The following IL1RAPL1 variants were observed in gnomAD, a reference collection of about 807,000 sequenced individuals.
The protein encoded by IL1RAPL1 is interleukin 1 receptor accessory protein like 1, also known as interleukin-1 receptor accessory protein-like 1.
Under a neutral mutation model 48.4 loss-of-function variants are expected in IL1RAPL1, and 3 were observed. That is an observed-to-expected ratio of 0.06 (90% CI 0.03 to 0.16). The LOEUF (loss-of-function observed/expected upper bound fraction) is 0.16. Ranked by LOEUF, IL1RAPL1 falls within the 10% of genes least tolerant of loss-of-function variation. The pLI is 1.00. For missense variants in IL1RAPL1, 349 were observed against 530.6 expected, an observed-to-expected ratio of 0.66 and a Z score of 3.36; for synonymous variants, 185 against 187.7, an observed-to-expected ratio of 0.99 and a Z score of 0.12.
chrX:29,012,876 G>T (rs1926156068), intron 2 of IL1RAPL1, among the ~76,000 whole-genome samples: 1 of 111,793 alleles, frequency 8.9e-6, no homozygotes, highest in Admixed American at 9.5e-5. Flanking sequence ...CACTTGATAG[G>T]TGCCAAAACC....
intron 5 of IL1RAPL1, among the ~76,000 whole-genome samples, chrX:29,516,368 T>C (rs1305609236): frequency 9.0e-6 from 1 of 111,728 alleles, no homozygotes; most frequent in African/African-American, 3.2e-5. Context: ...CTCCTATGTA[T>C]CAGTTATGAG....
At chrX:29,633,468 T>TATACACACAC (rs762146549) in intron 5 of IL1RAPL1, among the ~76,000 whole-genome samples, 72 of 97,755 alleles carry the variant, frequency 7.4e-4, no homozygotes, top group African/African-American at 2.6e-3. Context: ...GATATATATA[T>TATACACACAC]ACACACACAC....
At chrX:28,721,278 T>C (rs1333314082) in intron 1 of IL1RAPL1, among the ~76,000 whole-genome samples, 1 of 112,003 alleles carries the variant, frequency 8.9e-6, no homozygotes, top group Non-Finnish European at 1.9e-5. Flanking sequence ...TTTTTAATGA[T>C]CGCCATTCTA....
intron 5 of IL1RAPL1, among the ~76,000 whole-genome samples, chrX:29,607,651 A>G (rs1033192913): frequency 9.0e-6 from 1 of 111,231 alleles, no homozygotes; most frequent in Admixed American, 9.4e-5. Context: ...TCTGGGACTT[A>G]ATGATTCCAC....
chrX:29,303,639 C>T (rs773937763), intron 3 of IL1RAPL1, among the ~76,000 whole-genome samples: 3 of 111,517 alleles, frequency 2.7e-5, no homozygotes, highest in Non-Finnish European at 5.6e-5. Context: ...GCATATGTTA[C>T]GTAAACCAAA....
In IL1RAPL1 at chrX:28,737,170, C is replaced by CT. The variant is rs1569161828; in HGVS notation, c.-24-52148dup. Reference sequence around the variant, plus strand: ...CCTTCCTTCCTTCCTTCCTTCCTTCCTTCCTTCCTTTCTTTCCTTTCTCTT... The same window carrying CT: ...CCTTCCTTCCTTCCTTCCTTCCTTCCTTTCCTTCCTTTCTTTCCTTTCTCTT... On this transcript the variant is annotated intron_variant, in intron 1 of 10. Coordinates refer to ENST00000378993, the MANE Select transcript of IL1RAPL1 (RefSeq NM_014271.4). Among the ~76,000 whole-genome samples, 134 of 36,691 alleles carry CT rather than the reference C, an allele frequency of 3.7e-3. 4 individuals carry two copies. Among genetic ancestry groups the CT allele is most frequent in the African/African-American group, 0.014 (128 of 9,464 alleles). The allele number at this position is 36,691 out of a possible 115,157, so 31.9% of individuals were successfully genotyped here. A position where few individuals can be genotyped will look rare whatever the true frequency, so the allele number is the denominator to read the frequency against.
At chrX:29,395,875 A>C (rs1933914123) in intron 3 of IL1RAPL1, among the ~76,000 whole-genome samples, 1 of 112,514 alleles carries the variant, frequency 8.9e-6, no homozygotes, top group African/African-American at 3.2e-5. Context: ...ACTGTGATTA[A>C]TAGGCCAGTT....
At chrX:28,948,227 A>G (rs1924358703) in intron 2 of IL1RAPL1, among the ~76,000 whole-genome samples, 1 of 111,810 alleles carries the variant, frequency 8.9e-6, no homozygotes, top group East Asian at 2.8e-4. Context: ...GTTATTATGT[A>G]AAATTATTTA....
intron 2 of IL1RAPL1, among the ~76,000 whole-genome samples, chrX:29,159,039 G>T (rs1364782446): frequency 1.1e-5 from 1 of 92,455 alleles, no homozygotes; most frequent in South Asian, 6.4e-4. Context: ...CCCTCTTGTT[G>T]CCCAGGCTGG....
At position 28,737,114 on chromosome X, in the gene IL1RAPL1, TTTCCTTCCTTCCTTCCTTCCTTCCTTCC is replaced by T. The variant is rs546731314; in HGVS notation, c.-24-52167_-24-52140del. On this transcript the variant is annotated intron_variant, in intron 1 of 10. Transcript: ENST00000378993. ...TTTTGTTTCTTTTCTTTTCTCTTCT[TTTCCTTCCTTCCTTCCTTCCTTCCTTCC>T]TTCCTTCCTTCCTTCCTTCCTTCCT... 4.2e-3 allele frequency among the ~76,000 whole-genome samples: 152 copies of T among 36,311 alleles called. 1 individual carries two copies. The highest frequency in any genetic ancestry group is 0.029 in the Middle Eastern group (1 of 34). The allele number at this position is 36,311 out of a possible 115,157, so 31.5% of individuals were successfully genotyped here. A position where few individuals can be genotyped will look rare whatever the true frequency, so the allele number is the denominator to read the frequency against.
At chrX:29,743,260 T>G (rs188266289) in intron 6 of IL1RAPL1, among the ~76,000 whole-genome samples, 3,100 of 107,319 alleles carry the variant, frequency 0.029, 107 homozygotes, top group African/African-American at 0.098. Flanking sequence ...ATATCATAAA[T>G]TTCTATATTA....
At position 28,729,678 on chromosome X, in the gene IL1RAPL1, A is replaced by G. The variant is rs182320540; in HGVS notation, c.-24-59642A>G. Among the ~76,000 whole-genome samples, 405 of 111,360 alleles carry G rather than the reference A, an allele frequency of 3.6e-3. 5 individuals carry two copies. The highest frequency in any genetic ancestry group is 0.013 in the African/African-American group (384 of 30,696). On this transcript the variant is annotated intron_variant, in intron 1 of 10. Transcript: ENST00000378993. ...CTAACTGAGCTCATCCAAAATTTAG[A>G]TGATGACTTATTTCTTCCAGTTAGA...
intron 1 of IL1RAPL1, among the ~76,000 whole-genome samples, chrX:28,749,313 T>G (rs938347957): frequency 3.6e-5 from 4 of 111,669 alleles, no homozygotes; most frequent in Non-Finnish European, 7.5e-5. Flanking sequence ...GGTAGTTTTA[T>G]TTTTAATTTT....
At chrX:28,826,409 A>G (rs1936995434) in intron 2 of IL1RAPL1, among the ~76,000 whole-genome samples, 1 of 111,765 alleles carries the variant, frequency 8.9e-6, no homozygotes, top group Non-Finnish European at 1.9e-5. Flanking sequence ...CCTTAATGGT[A>G]TTAAAAATGC....
At chrX:29,642,624 T>C (rs1018295367) in intron 5 of IL1RAPL1, among the ~76,000 whole-genome samples, 2 of 112,731 alleles carry the variant, frequency 1.8e-5, no homozygotes, top group Non-Finnish European at 3.7e-5. Context: ...CCAACGGATG[T>C]GCAGTGGCAC....
At chrX:28,910,813 CTGTCT>C (rs1480060613) in intron 2 of IL1RAPL1, among the ~76,000 whole-genome samples, 1 of 107,355 alleles carries the variant, frequency 9.3e-6, no homozygotes, top group African/African-American at 3.4e-5. Flanking sequence ...AAAACATAAT[CTGTCT>C]TGTCTTTGTC....
At chrX:28,812,977 A>G (rs1936811551) in intron 2 of IL1RAPL1, among the ~76,000 whole-genome samples, 1 of 111,150 alleles carries the variant, frequency 9.0e-6, no homozygotes, top group Admixed American at 9.6e-5. Flanking sequence ...ATGTAAACTC[A>G]GTCATAGAAG....
chrX:29,874,295 A>G (rs1325407787), intron 6 of IL1RAPL1, among the ~76,000 whole-genome samples: 1 of 111,036 alleles, frequency 9.0e-6, no homozygotes, highest in African/African-American at 3.3e-5. Flanking sequence ...GAAGTGTTTC[A>G]TAAATATTTG....
chrX:29,008,979 T>C (rs1392498324), intron 2 of IL1RAPL1, among the ~76,000 whole-genome samples: 1 of 111,098 alleles, frequency 9.0e-6, no homozygotes, highest in Admixed American at 9.4e-5. Flanking sequence ...GCTGCATCCA[T>C]GTTGCTGCAA....
Sources: allele counts gnomAD v4.1 joint callset (sites outside exome capture counted in the v4.1 genomes callset), GRCh38; gene constraint gnomAD v4.1.1; transcripts MANE v1.5; gene names NCBI Gene and HGNC (gene_info 2026-07-23, HGNC 2026-07-21).